The following MYO5B variants were observed in gnomAD, a reference collection of about 807,000 sequenced individuals.
The protein encoded by MYO5B is unconventional myosin-Vb.
Under a neutral mutation model 229.3 loss-of-function variants are expected in MYO5B, and 143 were observed. The observed-to-expected ratio is 0.62, with a 90% CI of 0.54 to 0.72. The LOEUF is 0.72. MYO5B is among the 30% of genes least tolerant of loss of function. The pLI, the probability that MYO5B is intolerant of heterozygous loss-of-function variation, is 0.00. For synonymous variants in MYO5B, 918 were observed against 885.2 expected, an observed-to-expected ratio of 1.04 and a Z score of -0.66; for missense variants, 2,321 against 2,331.0, an observed-to-expected ratio of 1.00 and a Z score of 0.09.
intron 1 of MYO5B, among the ~76,000 whole-genome samples, chr18:50,142,097 C>T (rs2032426482): frequency 6.6e-6 from 1 of 152,212 alleles, no homozygotes; most frequent in Non-Finnish European, 1.5e-5. Context: ...CAATCTAATG[C>T]ATCTGTCAGG....
chr18:49,936,923 G>T (rs2025256795), intron 15 of MYO5B, among the ~76,000 whole-genome samples: 1 of 152,058 alleles, frequency 6.6e-6, no homozygotes, highest in Admixed American at 6.6e-5. Context: ...GCTTCCTTAA[G>T]CCTCCTCTCT....
intron 1 of MYO5B, chr18:50,097,334 A>C: frequency 2.2e-6 from 1 of 451,570 alleles, no homozygotes; most frequent in Non-Finnish European, 4.5e-6. Context: ...GAAGGCAGAC[A>C]CCCTGCCTTA....
intron 1 of MYO5B, among the ~76,000 whole-genome samples, chr18:50,164,900 A>G (rs1371517976): frequency 1.3e-5 from 2 of 152,242 alleles, no homozygotes; most frequent in Non-Finnish European, 2.9e-5. Flanking sequence ...AAGAAATCTC[A>G]AGACTGGGAG....
intron 1 of MYO5B, among the ~76,000 whole-genome samples, chr18:50,072,204 A>T (rs16951444): frequency 0.093 from 14,169 of 152,222 alleles, 1,215 homozygotes; most frequent in African/African-American, 0.23. Context: ...TAGAGTATAT[A>T]TGCAACTTAC....
At chr18:50,132,382 T>C (rs2032267676) in intron 1 of MYO5B, among the ~76,000 whole-genome samples, 1 of 152,186 alleles carries the variant, frequency 6.6e-6, no homozygotes, top group Non-Finnish European at 1.5e-5. Context: ...AAAGTTGAGG[T>C]AGTAGAGACT....
intron 22 of MYO5B, among the ~76,000 whole-genome samples, chr18:49,892,684 C>CAA (rs992636436): frequency 2.0e-5 from 3 of 151,762 alleles, no homozygotes; most frequent in Non-Finnish European, 2.9e-5. Context: ...GAAGACAAAA[C>CAA]AAAAAAAAGC....
At position 49,940,731 on chromosome 18, in the gene MYO5B, G is replaced by A. The variant is rs544515677; in HGVS notation, c.1753-3334C>T. On this transcript the variant is annotated intron_variant, in intron 14 of 39. Transcript: ENST00000285039. ...ATAAAGCAACTTGTATGAATTCCAC[G>A]GATCCAAGGGTTTGTTTTCAGCAAG... Among the ~76,000 whole-genome samples, 16 of 152,244 alleles carry A rather than the reference G, an allele frequency of 1.1e-4. No individual in the cohort carries two copies. In the South Asian group the frequency reaches 1.5e-3, roughly 14 times the overall value.
In MYO5B at chr18:50,038,384, G is replaced by A. The variant is rs554400890; in HGVS notation, c.311-1390C>T. On this transcript the variant is annotated intron_variant, in intron 3 of 39. Transcript: ENST00000285039. ...AAACCAGATTATTCCACATAAAGGGGAAAGGGCCAGGGGGTAAAAAAGACA... is the reference window on the plus strand; with the variant it reads ...AAACCAGATTATTCCACATAAAGGGAAAAGGGCCAGGGGGTAAAAAAGACA... Among the ~76,000 whole-genome samples the A allele has an allele frequency of 2.0e-5, 3 of 152,282 alleles. No individual in the cohort carries two copies. In the South Asian group the frequency reaches 6.2e-4, roughly 32 times the overall value.
intron 14 of MYO5B, among the ~76,000 whole-genome samples, chr18:49,939,139 C>CTTTTTT (rs200099934): frequency 7.7e-6 from 1 of 130,576 alleles, no homozygotes; most frequent in African/African-American, 2.9e-5. Context: ...AACACTCTTT[C>CTTTTTT]TTTTTTTTCT....
chr18:50,168,559 T>C (rs1165163560), intron 1 of MYO5B, among the ~76,000 whole-genome samples: 3 of 152,116 alleles, frequency 2.0e-5, no homozygotes, highest in Non-Finnish European at 4.4e-5. Context: ...CTCAGAGACA[T>C]TGGTACCATC....
intron 1 of MYO5B, among the ~76,000 whole-genome samples, chr18:50,108,039 G>T (rs1483049219): frequency 6.6e-6 from 1 of 152,178 alleles, no homozygotes; most frequent in Non-Finnish European, 1.5e-5. Flanking sequence ...CTCCTGAGCA[G>T]CTGGGATTAC....
chr18:50,143,788 A>G (rs1294763717), intron 1 of MYO5B, among the ~76,000 whole-genome samples: 1 of 152,188 alleles, frequency 6.6e-6, no homozygotes, highest in East Asian at 1.9e-4. Context: ...CATGGCGTGC[A>G]ACACACAATT....
At chr18:49,849,035 G>A (rs1476718814) in intron 32 of MYO5B, among the ~76,000 whole-genome samples, 2 of 151,870 alleles carry the variant, frequency 1.3e-5, no homozygotes, top group Non-Finnish European at 2.9e-5. Context: ...GCTGAAAGAG[G>A]GTTCCAAGCA....
intron 26 of MYO5B, among the ~76,000 whole-genome samples, chr18:49,873,576 C>T (rs1445015036): frequency 6.6e-6 from 1 of 152,204 alleles, no homozygotes; most frequent in Non-Finnish European, 1.5e-5. Flanking sequence ...TGTGGCTGTC[C>T]AGGGTCTGCA....
At chr18:50,005,574 A>G (rs7238840) in intron 4 of MYO5B, among the ~76,000 whole-genome samples, 4,187 of 152,182 alleles carry the variant, frequency 0.028, 68 homozygotes, top group African/African-American at 0.036. Context: ...AGGCCACCAC[A>G]TCTGGCTAAT....
chr18:49,948,658 T>C (rs1034040892), intron 14 of MYO5B, among the ~76,000 whole-genome samples: 1 of 152,188 alleles, frequency 6.6e-6, no homozygotes, highest in African/African-American at 2.4e-5. Flanking sequence ...AAAGCAAACT[T>C]ATTTGGTCAA....
chr18:50,194,643 C>A (rs1393089080), intron 1 of MYO5B, 124 bp downstream of exon 1: 3 of 650,734 alleles, frequency 4.6e-6, no homozygotes, highest in Non-Finnish European at 7.8e-6. Context: ...AGGAGGACAC[C>A]GCGGAGGGGG....
chr18:49,945,922 C>T (rs2954238), intron 14 of MYO5B, among the ~76,000 whole-genome samples: 89,161 of 151,880 alleles, frequency 0.59, 26,649 homozygotes, highest in Middle Eastern at 0.73. Flanking sequence ...TTTGAAGATG[C>T]CATTGTGATT....
At chr18:50,186,258 G>A (rs529374768) in intron 1 of MYO5B, among the ~76,000 whole-genome samples, 3 of 152,360 alleles carry the variant, frequency 2.0e-5, no homozygotes, top group East Asian at 1.9e-4. Context: ...CGGAGGTCCA[G>A]AGAACATGCC....
Sources: gnomAD v4.1 joint callset for allele counts (sites outside exome capture counted in the v4.1 genomes callset) on GRCh38, gnomAD v4.1.1 for gene constraint, MANE v1.5 for transcripts, NCBI Gene and HGNC (gene_info 2026-07-23, HGNC 2026-07-21) for gene names.